The following NRXN3 variants were observed in gnomAD, a reference collection of about 807,000 sequenced individuals.
NRXN3 encodes the protein neurexin 3, also known as neurexin III.
Under a neutral mutation model 137.6 loss-of-function variants are expected in NRXN3, and 32 were observed. The ratio of observed to expected loss-of-function variants is 0.23; its 90% confidence interval spans 0.18 to 0.31. The LOEUF (loss-of-function observed/expected upper bound fraction) is 0.31, where lower values mean the gene tolerates loss of function less well. Ranked by LOEUF, NRXN3 falls within the 10% of genes least tolerant of loss-of-function variation. The pLI, the probability that NRXN3 is intolerant of heterozygous loss-of-function variation, is 1.00. For missense variants in NRXN3, 1,574 were observed against 2,062.5 expected (o/e 0.76, Z 4.59); for synonymous variants, 798 against 784.5 (o/e 1.02, Z -0.29).
At chr14:79,332,882 ACTAAGTGGGGTGCCTTT>A (rs2091884650) in intron 15 of NRXN3, among the ~76,000 whole-genome samples, 1 of 152,176 alleles carries the variant, frequency 6.6e-6, no homozygotes, top group Non-Finnish European at 1.5e-5. Flanking sequence ...CTTAGGAAAT[ACTAAGTGGGGTGCCTTT>A]CTGATACATT....
Position 78,171,074 on chromosome 14 carries a change from C to T in NRXN3, c.-704+400C>T, listed in dbSNP as rs2058680357. Among the ~76,000 whole-genome samples the T allele has an allele frequency of 2.6e-5, 4 of 151,594 alleles. No homozygotes were observed. In the South Asian group the frequency reaches 8.4e-4, roughly 32 times the overall value. On this transcript the variant is annotated intron_variant, in intron 1 of 20. Transcript: ENST00000335750. ...TTTTTGACATTTTGTAGTCACTTCC[C>T]CCCTCATTTATTCATTTATTTATTT...
chr14:78,827,611 G>T (rs951234914), intron 10 of NRXN3, among the ~76,000 whole-genome samples: 2 of 152,224 alleles, frequency 1.3e-5, no homozygotes, highest in Non-Finnish European at 2.9e-5. Context: ...AGGGCTGACA[G>T]GTCATGCCAT....
rs2153714462 is a variant in NRXN3 at position 79,528,802 on chromosome 14, A to G, written c.3444+61400A>G. The stretch of plus-strand genomic sequence containing the variant: ...AATGGATGATTTTGTTTTCTTCTTC[A>G]GCTTAATATGCGATATAATAAGCTC... On this transcript the variant is annotated intron_variant, in intron 16 of 20. Coordinates refer to ENST00000335750, the MANE Select transcript of NRXN3 (RefSeq NM_001330195.2). 2.0e-5 allele frequency among the ~76,000 whole-genome samples: 3 copies of G among 152,264 alleles called. No homozygotes were observed. In the Middle Eastern group the frequency reaches 0.01, roughly 518 times the overall value.
chr14:78,205,515 G>T (rs2062099581), intron 1 of NRXN3, among the ~76,000 whole-genome samples: 1 of 152,266 alleles, frequency 6.6e-6, no homozygotes, highest in African/African-American at 2.4e-5. Context: ...GTAGGATTGG[G>T]CTTCCTGGAG....
rs150078892 is a variant in NRXN3 at position 79,398,504 on chromosome 14, G to GT, written c.3263-68705dup. 5.4e-3 allele frequency among the ~76,000 whole-genome samples: 784 copies of GT among 144,264 alleles called. 2 individuals carry two copies. Among genetic ancestry groups the GT allele is most frequent in the Non-Finnish European group, 5.8e-3 (378 of 65,292 alleles). 94.6% of individuals were successfully genotyped at this position (144,264 alleles called of 152,430 possible). On this transcript the variant is annotated intron_variant, in intron 15 of 20. Transcript: ENST00000335750. ...AGTAAGCAGATGGAAAATATTCATTGTTTTTTTTTTTTACCAATGAGACAC... is the reference window on the plus strand; with the variant it reads ...AGTAAGCAGATGGAAAATATTCATTGTTTTTTTTTTTTTACCAATGAGACAC...
At chr14:78,424,247 A>G (rs1454997116) in intron 4 of NRXN3, among the ~76,000 whole-genome samples, 5 of 152,218 alleles carry the variant, frequency 3.3e-5, no homozygotes, top group Non-Finnish European at 2.9e-5. Flanking sequence ...CACCCTTAAG[A>G]AAAGTCCATT....
intron 8 of NRXN3, among the ~76,000 whole-genome samples, chr14:78,795,421 G>A (rs1396494054): frequency 1.3e-5 from 2 of 152,126 alleles, no homozygotes; most frequent in Admixed American, 6.5e-5. Context: ...ATGCCAGTGG[G>A]GAGATAGTTT....
chr14:78,648,449 TG>T (rs1271596910), intron 5 of NRXN3, among the ~76,000 whole-genome samples: 1 of 152,160 alleles, frequency 6.6e-6, no homozygotes, highest in Non-Finnish European at 1.5e-5. Context: ...CAAGAGGAAT[TG>T]GGGGAGAGAG....
At position 79,632,027 on chromosome 14, in the gene NRXN3, G is replaced by A. The variant is rs184590209; in HGVS notation, c.3445-31751G>A. Among the ~76,000 whole-genome samples the A allele has an allele frequency of 6.7e-3, 1,014 of 152,196 alleles. 5 individuals are homozygous for A. Among genetic ancestry groups the A allele is most frequent in the Non-Finnish European group, 9.6e-3 (650 of 68,014 alleles). ...AAAGCAGGCCACCTGAGCCAGCAGCGGCATCCTGGTGGGTCTCCTTCCACA... is the reference window on the plus strand; with the variant it reads ...AAAGCAGGCCACCTGAGCCAGCAGCAGCATCCTGGTGGGTCTCCTTCCACA... On this transcript the variant is annotated intron_variant, in intron 16 of 20. Transcript: ENST00000335750.
At chr14:79,543,884 C>T (rs192706138) in intron 16 of NRXN3, among the ~76,000 whole-genome samples, 17 of 152,246 alleles carry the variant, frequency 1.1e-4, no homozygotes, top group African/African-American at 3.6e-4. Flanking sequence ...GTTAAATCCC[C>T]TGATTCTGGC....
intron 4 of NRXN3, among the ~76,000 whole-genome samples, chr14:78,401,365 A>G (rs2092042519): frequency 6.6e-6 from 1 of 152,090 alleles, no homozygotes; most frequent in South Asian, 2.1e-4. Context: ...TGGTTTTGCC[A>G]TATTGGCCAG....
intron 16 of NRXN3, among the ~76,000 whole-genome samples, chr14:79,592,622 ATT>A (rs1209235903): frequency 6.6e-6 from 1 of 152,036 alleles, no homozygotes; most frequent in African/African-American, 2.4e-5. Flanking sequence ...TTAGTTACCC[ATT>A]TTCATTTTTC....
intron 4 of NRXN3, among the ~76,000 whole-genome samples, chr14:78,569,709 G>A (rs369733989): frequency 1.3e-5 from 2 of 151,658 alleles, no homozygotes; most frequent in African/African-American, 4.8e-5. Context: ...ACAGGCACCC[G>A]CCCCCACACC....
intron 15 of NRXN3, among the ~76,000 whole-genome samples, chr14:79,078,101 T>A (rs1175870599): frequency 6.6e-6 from 1 of 152,184 alleles, no homozygotes; most frequent in African/African-American, 2.4e-5. Context: ...GATGTTATTT[T>A]TTTTGTTGTT....
At chr14:79,624,916 A>C (rs2098267408) in intron 16 of NRXN3, among the ~76,000 whole-genome samples, 1 of 151,146 alleles carries the variant, frequency 6.6e-6, no homozygotes, top group Non-Finnish European at 1.5e-5. Flanking sequence ...GGATTCTGTC[A>C]CATCAGTGTC....
chr14:78,746,792 G>A (rs1044695615), intron 8 of NRXN3, among the ~76,000 whole-genome samples: 2 of 152,184 alleles, frequency 1.3e-5, no homozygotes, highest in African/African-American at 2.4e-5. Flanking sequence ...CACTCAGCTA[G>A]GAAGGGGAAT....
chr14:78,831,486 G>T (rs111744178), intron 10 of NRXN3, among the ~76,000 whole-genome samples: 4,345 of 117,810 alleles, frequency 0.037, 97 homozygotes, highest in Admixed American at 0.069. Context: ...AGTGAGCCAA[G>T]ATTGTGCCAC....
At chr14:79,427,091 A>G (rs998670813) in intron 15 of NRXN3, among the ~76,000 whole-genome samples, 1 of 152,186 alleles carries the variant, frequency 6.6e-6, no homozygotes, top group African/African-American at 2.4e-5. Flanking sequence ...ATTAGGAGCC[A>G]TATTAGATAG....
At chr14:79,794,642 G>A (rs1229851714) in intron 19 of NRXN3, among the ~76,000 whole-genome samples, 5 of 152,162 alleles carry the variant, frequency 3.3e-5, no homozygotes, top group African/African-American at 1.2e-4. Flanking sequence ...CAGAGGACAC[G>A]ATATAGAATC....
Sources: gnomAD v4.1 joint callset for allele counts (sites outside exome capture counted in the v4.1 genomes callset) on GRCh38, gnomAD v4.1.1 for gene constraint, MANE v1.5 for transcripts, NCBI Gene and HGNC (gene_info 2026-07-23, HGNC 2026-07-21) for gene names.